Variants in GFM2 observed in about 807,000 individuals in gnomAD.
GFM2 encodes GTP dependent ribosome recycling factor mitochondrial 2.
GFM2 carries 72 observed loss-of-function variants against 95.4 expected under a neutral mutation model. The ratio of observed to expected loss-of-function variants is 0.76; its 90% confidence interval spans 0.62 to 0.92. GFM2 has a LOEUF of 0.92. Ranked by LOEUF, GFM2 falls within the 40% of genes least tolerant of loss-of-function variation. GFM2 has a pLI of 0.00. For missense variants in GFM2, 825 were observed against 924.1 expected (o/e 0.89, Z 1.39); for synonymous variants, 276 against 317.5 (o/e 0.87, Z 1.39).
At chr5:74,722,594 CAT>C in intron 19 of GFM2, 33 bp from the exon 20 acceptor site, 1 of 1,555,680 alleles carries the variant, frequency 6.4e-7, no homozygotes, top group African/African-American at 1.4e-5. Flanking sequence ...ACTTATCTTT[CAT>C]AAATAAAAAC....
At chr5:74,722,724 A>G in intron 19 of GFM2, 163 bp from the exon 20 acceptor site, 1 of 564,470 alleles carries the variant, frequency 1.8e-6, no homozygotes, top group Non-Finnish European at 3.0e-6. Context: ...TATAATAAGC[A>G]TGATAACAGA....
chr5:74,750,243 A>G (rs1477692174), intron 7 of GFM2, among the ~76,000 whole-genome samples: 1 of 152,226 alleles, frequency 6.6e-6, no homozygotes, highest in Non-Finnish European at 1.5e-5. Context: ...TGACCCAGAA[A>G]GAAACAGAAA....
Position 74,745,798 on chromosome 5 carries a change from T to C in GFM2, c.729A>G (p.Lys243=), listed in dbSNP as rs1447708956. 1.9e-6 allele frequency: 3 copies of C among 1,613,188 alleles called. No homozygotes were observed. Among genetic ancestry groups the C allele is most frequent in the African/African-American group, 1.3e-5 (1 of 74,918 alleles). Residue 243 remains lysine (K), a synonymous_variant, in exon 10 of 21, where the codon AAA becomes AAG. Coordinates refer to ENST00000296805, the MANE Select transcript of GFM2 (RefSeq NM_032380.5). ...CATTTGAATTGCAATTCCAAAGAAGTTTTTCTTTCATTACTACATCCACCA... is the reference window on the plus strand; with the variant it reads ...CATTTGAATTGCAATTCCAAAGAAGCTTTTCTTTCATTACTACATCCACCA... The part of the protein sequence containing the change: ...KGVVDVVMKE[K]LLWNCNSNDG...
At chr5:74,740,331 G>C (rs1344189284) in intron 11 of GFM2, among the ~76,000 whole-genome samples, 194 bp from the exon 12 acceptor site, 1 of 151,910 alleles carries the variant, frequency 6.6e-6, no homozygotes, top group South Asian at 2.1e-4. Flanking sequence ...TCTCCTATTC[G>C]CTAGAATGTA....
intron 7 of GFM2, among the ~76,000 whole-genome samples, chr5:74,749,813 A>T (rs1289437283): frequency 6.6e-5 from 10 of 152,114 alleles, no homozygotes; most frequent in Non-Finnish European, 1.5e-4. Flanking sequence ...AAGTTCCAGG[A>T]ATCAACTTTT....
At chr5:74,731,526 A>C (rs928440189) in intron 16 of GFM2, among the ~76,000 whole-genome samples, 1 of 152,148 alleles carries the variant, frequency 6.6e-6, no homozygotes, top group African/African-American at 2.4e-5. Flanking sequence ...AAGCATTGCA[A>C]ATGTTTAAAA....
chr5:74,721,215 A>C lies in GFM2; in HGVS notation c.*440T>G, dbSNP rs184908092. On this transcript the variant is annotated 3_prime_UTR_variant, in exon 21 of 21. Coordinates refer to ENST00000296805, the MANE Select transcript of GFM2 (RefSeq NM_032380.5). ...AAAGGCCACAGCAATCTGTACTACA[A>C]TCAACTTTATTTTGAAATCATGTAA... is the stretch of plus-strand genomic sequence containing the variant. 1,025 of 1,426,670 alleles carry C rather than the reference A, an allele frequency of 7.2e-4. 6 individuals carry two copies. The African/African-American group carries it at 0.013, about 18-fold the overall frequency. 88.4% of individuals were successfully genotyped at this position (1,426,670 alleles called of 1,614,324 possible).
intron 17 of GFM2, among the ~76,000 whole-genome samples, chr5:74,726,344 T>C (rs1030320047): frequency 1.3e-5 from 2 of 152,214 alleles, no homozygotes; most frequent in Non-Finnish European, 2.9e-5. Context: ...AAACCTGCTC[T>C]GTATCACCTA....
intron 17 of GFM2, among the ~76,000 whole-genome samples, chr5:74,729,695 T>A (rs889379288): frequency 2.0e-5 from 3 of 150,956 alleles, no homozygotes; most frequent in East Asian, 1.9e-4. Context: ...TTTTTTTTTT[T>A]AAACAATTTC....
chr5:74,747,877 T>C (rs754821738), intron 7 of GFM2, 97 bp from the exon 8 acceptor site: 14 of 658,882 alleles, frequency 2.1e-5, no homozygotes, highest in South Asian at 1.1e-4. Flanking sequence ...GTCAGATAAA[T>C]TGGGCCCTAT....
chr5:74,726,786 A>G (rs1750168240), intron 17 of GFM2, among the ~76,000 whole-genome samples: 1 of 152,220 alleles, frequency 6.6e-6, no homozygotes, highest in Non-Finnish European at 1.5e-5. Flanking sequence ...TCATGGCCCA[A>G]ATTCAAAACT....
rs1742511206 is a variant in GFM2 at position 74,730,587 on chromosome 5, T to C, written c.1588-189A>G. ...TTTTCTGACTGGAATAATGAATCAA[T>C]AAACAATGAATTACCTGGCCATTCT... On this transcript the variant is annotated intron_variant, in intron 16 of 20. Transcript: ENST00000296805. The C allele has an allele frequency of 7.4e-6, 3 of 404,872 alleles. No individual in the cohort carries two copies. The South Asian group carries it at 2.4e-4, about 32-fold the overall frequency. The allele number at this position is 404,872 out of a possible 1,614,324, so 25.1% of individuals were successfully genotyped here.
At chr5:74,755,050 T>C (rs574633058) in intron 5 of GFM2, among the ~76,000 whole-genome samples, 4 of 152,176 alleles carry the variant, frequency 2.6e-5, no homozygotes, top group South Asian at 4.2e-4. Flanking sequence ...GAGCCAAGAT[T>C]GCACCATTTC....
chr5:74,736,521 T>C, intron 15 of GFM2: 1 of 1,270,478 alleles, frequency 7.9e-7, no homozygotes, highest in Non-Finnish European at 9.9e-7. Flanking sequence ...AGGGCAGTTC[T>C]AAGGCCAATT....
intron 7 of GFM2, among the ~76,000 whole-genome samples, 177 bp downstream of exon 7, chr5:74,750,402 G>T (rs1391849535): frequency 6.6e-6 from 1 of 152,100 alleles, no homozygotes; most frequent in Admixed American, 6.5e-5. Context: ...CTTTTACTAT[G>T]AAATATCTGA....
intron 6 of GFM2, among the ~76,000 whole-genome samples, chr5:74,751,108 G>A (rs1037488318): frequency 5.3e-5 from 8 of 152,240 alleles, no homozygotes; most frequent in Admixed American, 4.6e-4. Context: ...TGGTTAGCAG[G>A]GGTGAAGGGA....
intron 17 of GFM2, among the ~76,000 whole-genome samples, chr5:74,727,813 C>T (rs935415271): frequency 4.3e-4 from 65 of 152,212 alleles, no homozygotes; most frequent in Admixed American, 3.5e-3. Flanking sequence ...TGTTTCAATA[C>T]ATGTATACAT....
chr5:74,767,090 C>T lies in GFM2; in HGVS notation c.-177G>A, dbSNP rs1490870636. ...TAAACGAAAAGAAAATAGGCTTTCT[C>T]CGCTCTACCGCCTCGGGCAGCCACA... On this transcript the variant is annotated 5_prime_UTR_variant, in exon 1 of 21. Coordinates refer to ENST00000296805, the MANE Select transcript of GFM2 (RefSeq NM_032380.5). 2 of 457,054 alleles carry T rather than the reference C, an allele frequency of 4.4e-6. No homozygotes were observed. Among genetic ancestry groups the T allele is most frequent in the Non-Finnish European group, 7.9e-6 (2 of 251,878 alleles). 28.3% of individuals were successfully genotyped at this position (457,054 alleles called of 1,614,324 possible).
In GFM2 at chr5:74,738,608, AT is replaced by A; in HGVS notation, c.1113del (p.Phe372LeufsTer22). The A allele has an allele frequency of 6.2e-7, 1 of 1,613,542 alleles. No individual in the cohort carries two copies. Among genetic ancestry groups the A allele is most frequent in the African/African-American group, 1.3e-5 (1 of 74,994 alleles). ...QWYKDDLCAL[A>X]FKVLHDKQRG... is the part of the protein sequence containing the mutation. Reference sequence around the variant, plus strand: ...CGCTGCTTGTCATGGAGAACTTTAAATGCCAATGCACATAAGTCATCCTTAT... The same window carrying A: ...CGCTGCTTGTCATGGAGAACTTTAAAGCCAATGCACATAAGTCATCCTTAT... On this transcript the variant is annotated frameshift_variant, in exon 13 of 21. Transcript: ENST00000296805. LOFTEE classifies it high-confidence loss of function.
Sources: gnomAD v4.1 joint callset for allele counts (sites outside exome capture counted in the v4.1 genomes callset) on GRCh38, gnomAD v4.1.1 for gene constraint, MANE v1.5 for transcripts, NCBI Gene and HGNC (gene_info 2026-07-23, HGNC 2026-07-21) for gene names.